Variants in PTPRN2 observed in about 807,000 individuals in gnomAD.
PTPRN2 encodes the protein protein tyrosine phosphatase receptor type N2, also known as receptor-type tyrosine-protein phosphatase N2.
A neutral mutation model predicts 118.8 loss-of-function variants in PTPRN2; 74 were observed. The ratio of observed to expected loss-of-function variants is 0.62; its 90% CI spans 0.52 to 0.76. The LOEUF (loss-of-function observed/expected upper bound fraction) is 0.76. PTPRN2 is among the 30% of genes least tolerant of loss of function. The pLI, the probability that PTPRN2 is intolerant of heterozygous loss-of-function variation, is 0.00. For missense variants in PTPRN2, 1,481 were observed against 1,394.4 expected, an observed-to-expected ratio of 1.06 and a Z score of -0.99; for synonymous variants, 641 against 608.0, an observed-to-expected ratio of 1.05 and a Z score of -0.80.
chr7:157,908,932 C>G (rs1011952482), intron 11 of PTPRN2, among the ~76,000 whole-genome samples: 5 of 150,902 alleles, frequency 3.3e-5, no homozygotes, highest in African/African-American at 9.7e-5. Context: ...CATCTTGTAC[C>G]CTGTGTGCAA....
rs1352179096 is a variant in PTPRN2, at chr7:158,526,808, G to A, written c.113-37023C>T. ...CAGCCAAGGGGAGAGGCCTCTGGGG[G>A]AACCTGCCCTGCCGTGCTCTCATCT... On this transcript the variant is annotated intron_variant, in intron 1 of 22. Coordinates refer to ENST00000389418, the MANE Select transcript of PTPRN2 (RefSeq NM_002847.5). The surrounding 1 kb of genome is among the most constrained non-coding windows in gnomAD (Gnocchi z 5.2). Among the ~76,000 whole-genome samples the A allele has an allele frequency of 1.3e-5, 2 of 152,114 alleles. No homozygotes were observed. Among genetic ancestry groups the A allele is most frequent in the Non-Finnish European group, 1.5e-5 (1 of 68,026 alleles).
chr7:158,059,048 A>T (rs1400231262), intron 11 of PTPRN2, among the ~76,000 whole-genome samples: 1 of 114,756 alleles, frequency 8.7e-6, no homozygotes, highest in Non-Finnish European at 1.7e-5. Flanking sequence ...CTGCAGCCAC[A>T]CTCCATCTGC....
rs11984229 is a variant in PTPRN2 at position 157,554,034 on chromosome 7, G to A, written c.2903-5015C>T. 1.7e-3 allele frequency among the ~76,000 whole-genome samples: 208 copies of A among 122,902 alleles called. 4 individuals carry two copies. The highest frequency in any genetic ancestry group is 9.3e-3 in the Middle Eastern group (2 of 214). 80.6% of individuals were successfully genotyped at this position (122,902 alleles called of 152,430 possible). On this transcript the variant is annotated intron_variant, in intron 21 of 22. Coordinates refer to ENST00000389418, the MANE Select transcript of PTPRN2 (RefSeq NM_002847.5). ...CATGGGTGCGGCCAGGCCGGGCGCCGGATCCTGCCCGCTCGCGTGCCCTCC... is the reference window on the plus strand; with the variant it reads ...CATGGGTGCGGCCAGGCCGGGCGCCAGATCCTGCCCGCTCGCGTGCCCTCC...
At chr7:157,819,996 C>T (rs917680960) in intron 12 of PTPRN2, among the ~76,000 whole-genome samples, 1 of 151,062 alleles carries the variant, frequency 6.6e-6, no homozygotes, top group Non-Finnish European at 1.5e-5. Flanking sequence ...CACCCACACA[C>T]ACAGAGGCAC....
intron 12 of PTPRN2, among the ~76,000 whole-genome samples, chr7:157,862,322 C>T (rs1810301446): frequency 1.3e-5 from 2 of 152,244 alleles, no homozygotes. Flanking sequence ...AGCATTAGCT[C>T]ATGTGCCCTC....
chr7:157,831,230 G>A lies in PTPRN2; in HGVS notation c.1788+67443C>T, dbSNP rs537015207. On this transcript the variant is annotated intron_variant, in intron 12 of 22. Transcript: ENST00000389418. The surrounding 1 kb of genome is among the most constrained non-coding windows in gnomAD (Gnocchi z 4.8). The stretch of plus-strand genomic sequence containing the variant: ...CTGCAGCATCTTACAAGGGGTGCAG[G>A]GAAGTCCAGAGACAGAAGCCCCCAT... Among the ~76,000 whole-genome samples, 6 of 152,318 alleles carry A rather than the reference G, an allele frequency of 3.9e-5. No individual in the cohort carries two copies. In the East Asian group the frequency reaches 9.7e-4, roughly 25 times the overall value.
intron 3 of PTPRN2, among the ~76,000 whole-genome samples, chr7:158,284,358 T>C (rs1799633467): frequency 6.6e-6 from 1 of 152,174 alleles, no homozygotes; most frequent in South Asian, 2.1e-4. Flanking sequence ...GCACTGTGTG[T>C]GTGCCAGGCA....
intron 11 of PTPRN2, among the ~76,000 whole-genome samples, chr7:158,018,339 C>T (rs73169769): frequency 0.047 from 7,113 of 152,250 alleles, 224 homozygotes; most frequent in Admixed American, 0.082. Flanking sequence ...TTCTAACACA[C>T]GGCTAAGGTG....
intron 14 of PTPRN2, among the ~76,000 whole-genome samples, chr7:157,628,708 A>G (rs1803750031): frequency 6.6e-6 from 1 of 152,192 alleles, no homozygotes; most frequent in Non-Finnish European, 1.5e-5. Context: ...TATGGGAGAC[A>G]CAGTAGAAGG....
At chr7:158,247,949 G>A (rs967898644) in intron 3 of PTPRN2, among the ~76,000 whole-genome samples, 8 of 152,110 alleles carry the variant, frequency 5.3e-5, no homozygotes, top group Non-Finnish European at 1.0e-4. Context: ...CCTCGCACAA[G>A]ACCCCAGCCT....
chr7:157,964,968 C>A lies in PTPRN2; in HGVS notation c.1724-66231G>T, dbSNP rs550597734. 1.3e-5 allele frequency among the ~76,000 whole-genome samples: 2 copies of A among 152,164 alleles called. No individual in the cohort carries two copies. The highest frequency in any genetic ancestry group is 2.4e-5 in the African/African-American group (1 of 41,426). On this transcript the variant is annotated intron_variant, in intron 11 of 22. Coordinates refer to ENST00000389418, the MANE Select transcript of PTPRN2 (RefSeq NM_002847.5). The surrounding 1 kb of genome is among the most constrained non-coding windows in gnomAD (Gnocchi z 9.0). ...TTGGGAGTGAGTGTCAGTGCCGTAGCGGAACACAGGGATCTGAGGCACAAG... is the reference window on the plus strand; with the variant it reads ...TTGGGAGTGAGTGTCAGTGCCGTAGAGGAACACAGGGATCTGAGGCACAAG...
chr7:158,059,402 A>T (rs6956227), intron 11 of PTPRN2, among the ~76,000 whole-genome samples: 9 of 97,344 alleles, frequency 9.2e-5, no homozygotes, highest in South Asian at 3.9e-4. Flanking sequence ...CCACGGTGAC[A>T]CATCACTGCA....
At chr7:158,481,080 C>T (rs926880845) in intron 2 of PTPRN2, among the ~76,000 whole-genome samples, 6 of 152,228 alleles carry the variant, frequency 3.9e-5, no homozygotes, top group Admixed American at 1.3e-4. Context: ...GAGAAGACAG[C>T]GCCTGACTTC....
rs1563391884 is a variant in PTPRN2, at chr7:158,071,550, CTGGTGGTGG to C, written c.1723+9739_1723+9747del. ...GATGCTCGTGATGATGGAGGTGCTC[CTGGTGGTGG>C]AGGTGCTCCTGGTGGAGGTGCTCCT... On this transcript the variant is annotated intron_variant, in intron 11 of 22. Coordinates refer to ENST00000389418, the MANE Select transcript of PTPRN2 (RefSeq NM_002847.5). 8.6e-3 allele frequency among the ~76,000 whole-genome samples: 283 copies of C among 32,990 alleles called. 8 individuals are homozygous for C. The highest frequency in any genetic ancestry group is 0.033 in the African/African-American group (263 of 7,920). 21.6% of individuals were successfully genotyped at this position (32,990 alleles called of 152,430 possible). A position where few individuals can be genotyped will look rare whatever the true frequency, so the allele number is the denominator to read the frequency against.
chr7:157,671,100 T>TCCCCCGC lies in PTPRN2; in HGVS notation c.2001+11618_2001+11624dup, dbSNP rs1230822289. ...ATGGTTTCCAAGAGGGTTTACATGC[T>TCCCCCGC]CCCCCGCCCCCCGTCCCCTGCCCAC... On this transcript the variant is annotated intron_variant, in intron 13 of 22. Transcript: ENST00000389418. The surrounding 1 kb of genome is among the most constrained non-coding windows in gnomAD (Gnocchi z 4.1). 6.6e-5 allele frequency among the ~76,000 whole-genome samples: 10 copies of TCCCCCGC among 151,652 alleles called. No individual in the cohort carries two copies. The highest frequency in any genetic ancestry group is 2.4e-4 in the African/African-American group (10 of 41,352).
chr7:157,843,689 G>A (rs990509736), intron 12 of PTPRN2, among the ~76,000 whole-genome samples: 7 of 152,196 alleles, frequency 4.6e-5, no homozygotes, highest in African/African-American at 1.4e-4. Context: ...ATTAACCTAC[G>A]CAACTCTCTT....
chr7:158,074,733 G>A (rs1812214469), intron 11 of PTPRN2, among the ~76,000 whole-genome samples: 1 of 152,194 alleles, frequency 6.6e-6, no homozygotes, highest in African/African-American at 2.4e-5. Flanking sequence ...CTCCCCAGCA[G>A]TGAGTTGGAG....
rs143867881 is a variant in PTPRN2 at position 157,621,454 on chromosome 7, G to A, written c.2252C>T (p.Ala751Val). 478 of 1,613,910 alleles carry A rather than the reference G, an allele frequency of 3.0e-4. No homozygotes were observed. Among genetic ancestry groups the A allele is most frequent in the Middle Eastern group, 6.6e-4 (4 of 6,062 alleles). The change falls in exon 15 of 23, where the codon GCG becomes GTG. Residue 751 changes from alanine to valine, a missense_variant. Ala to Val is a moderately conservative substitution (Grantham distance 64). Coordinates refer to ENST00000389418, the MANE Select transcript of PTPRN2 (RefSeq NM_002847.5). ...GGGCTCCGCCTGGTAGGCGCACAGC[G>A]CTTCCCACTCCTTCTCCAGCCGGTT... ...NKNRLEKEWEALCAYQAEPNS... is the reference protein window; with the variant it reads ...NKNRLEKEWEVLCAYQAEPNS...
chr7:157,561,405 A>T (rs549992517), intron 21 of PTPRN2, among the ~76,000 whole-genome samples: 108 of 152,324 alleles, frequency 7.1e-4, no homozygotes, highest in African/African-American at 2.4e-3. Context: ...GGTAGTTTCC[A>T]TGAGAGCCCC....
Sources: gnomAD v4.1 joint callset for allele counts (sites outside exome capture counted in the v4.1 genomes callset) on GRCh38, gnomAD v4.1.1 for gene constraint, Gnocchi (gnomAD v3.1) non-coding constraint, MANE v1.5 for transcripts, NCBI Gene and HGNC (gene_info 2026-07-23, HGNC 2026-07-21) for gene names.